HIF1A: variants seen among roughly 807,000 people sequenced by gnomAD.
HIF1A encodes the protein hypoxia-inducible factor 1-alpha.
In HIF1A, 24 loss-of-function variants were observed where a neutral mutation model predicts 92.7. The ratio of observed to expected loss-of-function variants is 0.26; its 90% CI spans 0.19 to 0.36. The LOEUF is 0.36. Among genes scored for constraint, HIF1A ranks in the 10% least tolerant of loss-of-function variants. The pLI is 1.00. For missense variants in HIF1A, 799 were observed against 998.5 expected, an observed-to-expected ratio of 0.80 and a Z score of 2.69; for synonymous variants, 319 against 338.7, an observed-to-expected ratio of 0.94 and a Z score of 0.64.
At chr14:61,697,492 C>T in intron 1 of HIF1A, 1 of 166,136 alleles carries the variant, frequency 6.0e-6, no homozygotes, top group African/African-American at 2.4e-5. Context: ...CATTGTTTTG[C>T]CATTCATCCG....
At chr14:61,731,782 A>C (rs1202320481) in intron 6 of HIF1A, among the ~76,000 whole-genome samples, 1 of 152,226 alleles carries the variant, frequency 6.6e-6, no homozygotes, top group Admixed American at 6.5e-5. Context: ...AGTATTTCTT[A>C]TCTGTTTATT....
intron 6 of HIF1A, among the ~76,000 whole-genome samples, chr14:61,730,141 G>A (rs1247816074): frequency 1.3e-5 from 2 of 152,108 alleles, no homozygotes; most frequent in Non-Finnish European, 2.9e-5. Flanking sequence ...CAAAATAAAT[G>A]AGTAGTATAC....
At chr14:61,728,533 T>A (rs1179851684) in intron 6 of HIF1A, among the ~76,000 whole-genome samples, 1 of 152,258 alleles carries the variant, frequency 6.6e-6, no homozygotes, top group African/African-American at 2.4e-5. Context: ...CTTCCTATAA[T>A]GCTTATTGTG....
At chr14:61,746,802 G>T in intron 14 of HIF1A, 132 bp from the exon 15 acceptor site, 1 of 615,720 alleles carries the variant, frequency 1.6e-6, no homozygotes, top group Non-Finnish European at 2.8e-6. Flanking sequence ...CATAGTTGTG[G>T]TTTTGCCAGG....
Position 61,732,497 on chromosome 14 carries a change from G to C in HIF1A, c.853G>C (p.Asp285His). ...TGAATATTATCATGCTTTGGACTCT[G>C]ATCATCTGACCAAAACTCATCATGA... Reference protein sequence around the residue: ...IYEYYHALDSDHLTKTHHDMF... With the variant: ...IYEYYHALDSHHLTKTHHDMF... Residue 285 changes from aspartate (D) to histidine (H), a missense_variant, in exon 7 of 15, where the codon GAT becomes CAT. Coordinates refer to ENST00000337138, the MANE Select transcript of HIF1A (RefSeq NM_001530.4). The C allele has an allele frequency of 6.2e-7, 1 of 1,607,358 alleles. No homozygotes were observed. The highest frequency in any genetic ancestry group is 8.5e-7 in the Non-Finnish European group (1 of 1,174,330).
chr14:61,713,661 C>T (rs2044332048), intron 1 of HIF1A, among the ~76,000 whole-genome samples: 1 of 152,196 alleles, frequency 6.6e-6, no homozygotes, highest in Non-Finnish European at 1.5e-5. Flanking sequence ...TCGCCCTACA[C>T]ATCTCTTCAT....
At position 61,695,729 on chromosome 14, in the gene HIF1A, TGGAGGGAGCCAGCGCTTAGGCC is replaced by T. The variant is rs1256950010; in HGVS notation, c.-71_-50del. On this transcript the variant is annotated 5_prime_UTR_variant, in exon 1 of 15. Coordinates refer to ENST00000337138, the MANE Select transcript of HIF1A (RefSeq NM_001530.4). ...TGCCTTTCCTTCTCTTCTCCGCGTG[TGGAGGGAGCCAGCGCTTAGGCC>T]GGAGCGAGCCTGGGGGCCGCCCGCC... 6.7e-7 allele frequency: 1 copy of T among 1,487,684 alleles called. No individual in the cohort carries two copies. Among genetic ancestry groups the T allele is most frequent in the Non-Finnish European group, 9.2e-7 (1 of 1,091,394 alleles). The allele number at this position is 1,487,684 out of a possible 1,614,324, so 92.2% of individuals were successfully genotyped here. A position where few individuals can be genotyped will look rare whatever the true frequency, so the allele number is the denominator to read the frequency against.
chr14:61,711,614 A>T (rs1050298832), intron 1 of HIF1A, among the ~76,000 whole-genome samples: 1 of 152,092 alleles, frequency 6.6e-6, no homozygotes, highest in Admixed American at 6.5e-5. Flanking sequence ...TCATTGTTAT[A>T]CTGGTGGGTG....
Position 61,740,982 on chromosome 14 carries a change from A to G in HIF1A, c.1887A>G (p.Lys629=). The G allele has an allele frequency of 6.2e-7, 1 of 1,614,204 alleles. No individual in the cohort carries two copies. Among genetic ancestry groups the G allele is most frequent in the African/African-American group, 1.3e-5 (1 of 75,058 alleles). Reference sequence around the variant, plus strand: ...CTGATGAATTAAAAACAGTGACAAAAGACCGTATGGAAGACATTAAAATAT... The same window carrying G: ...CTGATGAATTAAAAACAGTGACAAAGGACCGTATGGAAGACATTAAAATAT... ...ATTDELKTVT[K]DRMEDIKILI... is the part of the protein sequence containing the mutation. The change falls in exon 12 of 15, where the codon AAA becomes AAG. Residue 629 remains lysine (K), a synonymous_variant. Transcript: ENST00000337138.
intron 12 of HIF1A, among the ~76,000 whole-genome samples, chr14:61,742,720 C>T (rs1322506618): frequency 6.6e-6 from 1 of 151,642 alleles, no homozygotes; most frequent in Non-Finnish European, 1.5e-5. Flanking sequence ...ACCCGGTCTA[C>T]TAAAAATGCA....
chr14:61,744,847 T>C, intron 13 of HIF1A, 34 bp downstream of exon 13: 1 of 958,362 alleles, frequency 1.0e-6, no homozygotes, highest in South Asian at 1.3e-5. Context: ...CTTTTCTAGC[T>C]AATGTGCTAT....
chr14:61,734,088 T>C (rs771437496), intron 7 of HIF1A, 50 bp from the exon 8 acceptor site: 2 of 1,304,830 alleles, frequency 1.5e-6, no homozygotes, highest in Admixed American at 5.4e-5. Flanking sequence ...AATTGAAAAT[T>C]CAAAGTTAAA....
At chr14:61,729,467 ACAAAAACAAAAC>A (rs1169415975) in intron 6 of HIF1A, among the ~76,000 whole-genome samples, 5 of 148,908 alleles carry the variant, frequency 3.4e-5, no homozygotes, top group African/African-American at 7.3e-5. Flanking sequence ...ATCTCAAAAA[ACAAAAACAAAAC>A]AAAAAAAAGA....
intron 7 of HIF1A, 85 bp from the exon 8 acceptor site, chr14:61,734,053 A>T: frequency 1.1e-6 from 1 of 895,180 alleles, no homozygotes; most frequent in African/African-American, 1.7e-5. Context: ...CAAAACAATG[A>T]TGAACATTCA....
intron 4 of HIF1A, among the ~76,000 whole-genome samples, chr14:61,723,152 A>C (rs369314086): frequency 6.6e-6 from 1 of 152,146 alleles, no homozygotes; most frequent in Non-Finnish European, 1.5e-5. Flanking sequence ...TAAAACCTCA[A>C]ATTTACTTTT....
intron 1 of HIF1A, among the ~76,000 whole-genome samples, chr14:61,719,853 C>T (rs2044405890): frequency 6.6e-6 from 1 of 152,124 alleles, no homozygotes; most frequent in Non-Finnish European, 1.5e-5. Context: ...AGCTTATCGT[C>T]AGTGTTATTC....
In HIF1A at chr14:61,743,833, G is replaced by A. The variant is rs576672310; in HGVS notation, c.2094-872G>A. ...CCAGATCAATACTGAGTGAAAAATA[G>A]CATAGTGGGAAGAGCAGGGGAGGGG... On this transcript the variant is annotated intron_variant, in intron 12 of 14. Coordinates refer to ENST00000337138, the MANE Select transcript of HIF1A (RefSeq NM_001530.4). Among the ~76,000 whole-genome samples, 7 of 152,304 alleles carry A rather than the reference G, an allele frequency of 4.6e-5. No homozygotes were observed. In the East Asian group the frequency reaches 1.2e-3, roughly 25 times the overall value.
intron 4 of HIF1A, among the ~76,000 whole-genome samples, chr14:61,724,348 ATTCTCT>A (rs2044472334): frequency 5.4e-5 from 1 of 18,582 alleles, no homozygotes; most frequent in African/African-American, 1.1e-4. Context: ...ACACACACAC[ATTCTCT>A]CTCTCTCTCT....
chr14:61,695,895 C>G, intron 1 of HIF1A, 56 bp downstream of exon 1: 1 of 1,506,734 alleles, frequency 6.6e-7, no homozygotes, highest in Non-Finnish European at 9.0e-7. Flanking sequence ...GCCCGCCTGC[C>G]CGCCCTGGGC....
Sources: allele counts gnomAD v4.1 joint callset (sites outside exome capture counted in the v4.1 genomes callset), GRCh38; gene constraint gnomAD v4.1.1; transcripts MANE v1.5; gene names NCBI Gene and HGNC (gene_info 2026-07-23, HGNC 2026-07-21).